Variants in CNDP2 observed in about 807,000 individuals in gnomAD.
CNDP2 encodes the protein cytosolic non-specific dipeptidase.
In CNDP2, 38 loss-of-function variants were observed where a neutral mutation model predicts 55.0. The ratio of observed to expected loss-of-function variants is 0.69; its 90% CI spans 0.53 to 0.90. The LOEUF is 0.90. Ranked by LOEUF, CNDP2 falls within the 40% of genes least tolerant of loss-of-function variation. The pLI, the probability that CNDP2 is intolerant of heterozygous loss-of-function variation, is 0.00. For synonymous variants in CNDP2, 241 were observed against 260.2 expected, an observed-to-expected ratio of 0.93 and a Z score of 0.71; for missense variants, 607 against 621.7, an observed-to-expected ratio of 0.98 and a Z score of 0.25.
chr18:74,516,449 C>G, intron 9 of CNDP2, 57 bp downstream of exon 9: 1 of 1,513,226 alleles, frequency 6.6e-7, no homozygotes. Flanking sequence ...CGGGCAGAGA[C>G]TTGGGTAATA....
In CNDP2 at chr18:74,518,555, G is replaced by GGT; in HGVS notation, c.1128_1129dup (p.Tyr377CysfsTer26). 6.2e-7 allele frequency: 1 copy of GGT among 1,614,224 alleles called. No homozygotes were observed. Among genetic ancestry groups the GGT allele is most frequent in the Non-Finnish European group, 8.5e-7 (1 of 1,180,044 alleles). On this transcript the variant is annotated frameshift_variant, in exon 10 of 12. Transcript: ENST00000324262. LOFTEE classifies it high-confidence loss of function. ...AACTACGCAGCCCCAATGAGTTCAA[G>GGT]GTGTACATGGGCCACGGTGGGAAGC...
At position 74,512,538 on chromosome 18, in the gene CNDP2, T is replaced by C. The variant is rs2144600812; in HGVS notation, c.742+6T>C. On this transcript the variant is annotated splice_donor_region_variant and intron_variant, in intron 7 of 11. Transcript: ENST00000324262. The stretch of plus-strand genomic sequence containing the variant: ...TGATCTCATTTTGCTGATGGGTAAG[T>C]GCGGGATGGCATTCAGTCCGCAGTT... The C allele has an allele frequency of 6.2e-7, 1 of 1,613,114 alleles. No individual in the cohort carries two copies. The highest frequency in any genetic ancestry group is 8.5e-7 in the Non-Finnish European group (1 of 1,179,342).
Position 74,520,172 on chromosome 18 carries a change from CTT to C in CNDP2, c.*105_*106del. ...TGGAGGTTCCCTCTTTCCTTTCCCTCTTGTCAGGTCATCCATGACTTTAGAGA... is the reference window on the plus strand; with the variant it reads ...TGGAGGTTCCCTCTTTCCTTTCCCTCGTCAGGTCATCCATGACTTTAGAGA... On this transcript the variant is annotated 3_prime_UTR_variant, in exon 12 of 12. Transcript: ENST00000324262. 9.7e-7 allele frequency: 1 copy of C among 1,036,170 alleles called. No individual in the cohort carries two copies. Among genetic ancestry groups the C allele is most frequent in the Non-Finnish European group, 1.5e-6 (1 of 679,470 alleles). 64.2% of individuals were successfully genotyped at this position (1,036,170 alleles called of 1,614,324 possible).
chr18:74,522,265 T>A lies in CNDP2; in HGVS notation c.*2197T>A, dbSNP rs1980095885. On this transcript the variant is annotated 3_prime_UTR_variant, in exon 12 of 12. Coordinates refer to ENST00000324262, the MANE Select transcript of CNDP2 (RefSeq NM_018235.3). ...CAGCTGGACCCAGCACTCAGTGCTA[T>A]CTGGGCTTGTGGCTCCAACTCAACT... 1 of 152,254 alleles carries A rather than the reference T, an allele frequency of 6.6e-6. No individual in the cohort carries two copies. The highest frequency in any genetic ancestry group is 2.4e-5 in the African/African-American group (1 of 41,466). 9.4% of individuals were successfully genotyped at this position (152,254 alleles called of 1,614,324 possible).
At chr18:74,517,228 A>G (rs914481405) in intron 9 of CNDP2, 1 of 152,194 alleles carries the variant, frequency 6.6e-6, no homozygotes, top group African/African-American at 2.4e-5. Flanking sequence ...GAGAAAAAAA[A>G]ACTACTAAAG....
chr18:74,518,263 G>GA (rs1373961385), intron 9 of CNDP2: 2 of 365,882 alleles, frequency 5.5e-6, no homozygotes, highest in African/African-American at 2.1e-5. Flanking sequence ...CTCCATCTCA[G>GA]AAAAAATAAA....
intron 3 of CNDP2, among the ~76,000 whole-genome samples, chr18:74,505,623 A>G (rs1193747796): frequency 6.6e-6 from 1 of 152,092 alleles, no homozygotes; most frequent in Non-Finnish European, 1.5e-5. Flanking sequence ...AAAATTTACC[A>G]AACTGCCTGC....
chr18:74,514,538 ATAGGTTTATGTGGTATGGATGTAAGTT>A (rs1979547234), intron 8 of CNDP2, among the ~76,000 whole-genome samples: 3 of 113,640 alleles, frequency 2.6e-5, no homozygotes, highest in South Asian at 3.0e-4. Context: ...TCTGCAGGCT[ATAGGTTTATGTGGTATGGATGTAAGTT>A]CTGCAGCCTG....
Position 74,520,110 on chromosome 18 carries a change from G to A in CNDP2, c.*42G>A. ...GCCATCTCCAATGAGAAGGAATCCT[G>A]CCCTCACCTCACCCTTTTCCAACTT... On this transcript the variant is annotated 3_prime_UTR_variant, in exon 12 of 12. Transcript: ENST00000324262. 2.5e-6 allele frequency: 4 copies of A among 1,595,028 alleles called. No individual in the cohort carries two copies. Among genetic ancestry groups the A allele is most frequent in the Non-Finnish European group, 3.4e-6 (4 of 1,163,150 alleles).
At chr18:74,515,689 A>T (rs1387170716) in intron 8 of CNDP2, among the ~76,000 whole-genome samples, 1 of 152,170 alleles carries the variant, frequency 6.6e-6, no homozygotes, top group Non-Finnish European at 1.5e-5. Context: ...CTTGGGAAAC[A>T]GGAGATGAAG....
At chr18:74,510,076 G>A (rs1344147438) in intron 5 of CNDP2, among the ~76,000 whole-genome samples, 1 of 152,200 alleles carries the variant, frequency 6.6e-6, no homozygotes, top group African/African-American at 2.4e-5. Flanking sequence ...CGGGCTCTGG[G>A]GCAACCAAGT....
chr18:74,518,473 A>T (rs1307464420), intron 9 of CNDP2, 26 bp from the exon 10 acceptor site: 1 of 1,613,860 alleles, frequency 6.2e-7, no homozygotes, highest in Non-Finnish European at 8.5e-7. Context: ...AAAGCATTGT[A>T]TACCTCTATT....
At chr18:74,512,652 A>T (rs1979419667) in intron 7 of CNDP2, 120 bp downstream of exon 7, 1 of 783,970 alleles carries the variant, frequency 1.3e-6, no homozygotes, top group Admixed American at 2.4e-5. Flanking sequence ...CTTCTGTCTC[A>T]GTTTCCTACT....
At chr18:74,513,879 G>A in intron 8 of CNDP2, 160 bp downstream of exon 8, 2 of 691,688 alleles carry the variant, frequency 2.9e-6, no homozygotes, top group Non-Finnish European at 4.6e-6. Flanking sequence ...TGACCAGGTT[G>A]CTGGTCGTTG....
chr18:74,516,366 A>G lies in CNDP2; in HGVS notation c.1042A>G (p.Met348Val). The G allele has an allele frequency of 6.2e-7, 1 of 1,613,448 alleles. No individual in the cohort carries two copies. The highest frequency in any genetic ancestry group is 8.5e-7 in the Non-Finnish European group (1 of 1,179,630). Residue 348 changes from methionine to valine, a missense_variant, in exon 9 of 12, where the codon ATG becomes GTG. Met to Val is a conservative substitution (Grantham distance 21). Coordinates refer to ENST00000324262, the MANE Select transcript of CNDP2 (RefSeq NM_018235.3). ...GKFSIRLVPN[M>V]TPEVVGEQVT... ...GTTCTCCATCAGGCTCGTGCCGAACATGACTCCTGAAGTCGTCGGCGAGCA... is the reference window on the plus strand; with the variant it reads ...GTTCTCCATCAGGCTCGTGCCGAACGTGACTCCTGAAGTCGTCGGCGAGCA...
At position 74,520,959 on chromosome 18, in the gene CNDP2, C is replaced by T. The variant is rs531137635; in HGVS notation, c.*891C>T. On this transcript the variant is annotated 3_prime_UTR_variant, in exon 12 of 12. Transcript: ENST00000324262. ...ATGAGGAAAGAAATTAGGGCCTCCTCTGATCTCTCGCTATCTGCGGGTCCT... is the reference window on the plus strand; with the variant it reads ...ATGAGGAAAGAAATTAGGGCCTCCTTTGATCTCTCGCTATCTGCGGGTCCT... 1 of 152,372 alleles carries T rather than the reference C, an allele frequency of 6.6e-6. No homozygotes were observed. The highest frequency in any genetic ancestry group is 1.9e-4 in the East Asian group (1 of 5,182). The allele number at this position is 152,372 out of a possible 1,614,324, so 9.4% of individuals were successfully genotyped here.
At chr18:74,518,217 A>G (rs34258094) in intron 9 of CNDP2, 67,916 of 219,208 alleles carry the variant, frequency 0.31, 12,235 homozygotes, top group East Asian at 0.6. Flanking sequence ...AGCCGAGATC[A>G]CGCCACTGTG....
In CNDP2 at chr18:74,502,029, G is replaced by A. The variant is rs117250723; in HGVS notation, c.204+557G>A. 1.7e-3 allele frequency among the ~76,000 whole-genome samples: 254 copies of A among 152,286 alleles called. 8 individuals carry two copies. The East Asian group carries it at 0.043, about 26-fold the overall frequency. ...CTGCTTCAGCCTCCTGAGTAGCTGG[G>A]CGAGCGCCACTACACCCAGCTAATT... On this transcript the variant is annotated intron_variant, in intron 3 of 11. Coordinates refer to ENST00000324262, the MANE Select transcript of CNDP2 (RefSeq NM_018235.3).
At chr18:74,510,040 C>T (rs1224841252) in intron 5 of CNDP2, among the ~76,000 whole-genome samples, 1 of 152,218 alleles carries the variant, frequency 6.6e-6, no homozygotes, top group Non-Finnish European at 1.5e-5. Context: ...GTGGAGCCCT[C>T]AGCCTCAGCT....
Sources: gnomAD v4.1 joint callset for allele counts (sites outside exome capture counted in the v4.1 genomes callset) on GRCh38, gnomAD v4.1.1 for gene constraint, MANE v1.5 for transcripts, NCBI Gene and HGNC (gene_info 2026-07-23, HGNC 2026-07-21) for gene names.